Variants in NPM2 observed in about 807,000 individuals in gnomAD.
The protein encoded by NPM2 is nucleophosmin/nucleoplasmin 2.
NPM2 carries 25 observed loss-of-function variants against 32.0 expected under a neutral mutation model. That is an observed-to-expected ratio of 0.78 (90% confidence interval 0.57 to 1.09). The LOEUF (loss-of-function observed/expected upper bound fraction) is 1.09, where lower values mean the gene tolerates loss of function less well. Ranked by LOEUF, NPM2 falls within the 50% of genes least tolerant of loss-of-function variation. The probability of loss-of-function intolerance (pLI) is 0.00; values close to 1 mark genes in which losing one functional copy is unlikely to be tolerated. For synonymous variants in NPM2, 111 were observed against 94.2 expected, an observed-to-expected ratio of 1.18 and a Z score of -1.04; for missense variants, 282 against 259.9, an observed-to-expected ratio of 1.08 and a Z score of -0.58.
intron 5 of NPM2, among the ~76,000 whole-genome samples, chr8:22,028,897 T>G (rs559205064): frequency 6.6e-6 from 1 of 152,320 alleles, no homozygotes; most frequent in Admixed American, 6.5e-5. Flanking sequence ...GTAATTGGAT[T>G]TGTGGCATGT....
intron 5 of NPM2, 123 bp from the exon 6 acceptor site, chr8:22,033,004 TCAG>T (rs1216069453): frequency 1.3e-5 from 9 of 700,056 alleles, no homozygotes; most frequent in Non-Finnish European, 2.3e-5. Flanking sequence ...AGAATCCACC[TCAG>T]CAGGGGCTGA....
Position 22,036,869 on chromosome 8 carries a change from G to A in NPM2, c.*187G>A, listed in dbSNP as rs574712757. 5 of 596,376 alleles carry A rather than the reference G, an allele frequency of 8.4e-6. No individual in the cohort carries two copies. The highest frequency in any genetic ancestry group is 4.7e-5 in the South Asian group (2 of 42,386). 36.9% of individuals were successfully genotyped at this position (596,376 alleles called of 1,614,324 possible). A position where few individuals can be genotyped will look rare whatever the true frequency, so the allele number is the denominator to read the frequency against. ...GGCCCCCAGTGAAGAGCCCCACCTC[G>A]GGGTCACAATAAAGTTGCCTGGTCA... On this transcript the variant is annotated 3_prime_UTR_variant, in exon 10 of 10. Coordinates refer to ENST00000518119, the MANE Select transcript of NPM2 (RefSeq NM_001286680.2).
At chr8:22,035,089 C>T (rs969943107) in intron 8 of NPM2, among the ~76,000 whole-genome samples, 8 of 152,046 alleles carry the variant, frequency 5.3e-5, no homozygotes, top group Admixed American at 2.6e-4. Flanking sequence ...GATGACAGAG[C>T]GAGACTCAGT....
chr8:22,029,717 C>T (rs912427431), intron 5 of NPM2, among the ~76,000 whole-genome samples: 32 of 152,096 alleles, frequency 2.1e-4, no homozygotes, highest in African/African-American at 7.7e-4. Flanking sequence ...TGATTTTGCC[C>T]TCATTCCTTC....
At chr8:22,025,886 G>A in intron 5 of NPM2, 114 bp downstream of exon 5, 1 of 1,458,372 alleles carries the variant, frequency 6.9e-7, no homozygotes, top group Non-Finnish European at 9.4e-7. Context: ...ATGCTAGGGA[G>A]GTAGCACAGC....
intron 3 of NPM2, 64 bp from the exon 4 acceptor site, chr8:22,025,372 G>A (rs1800205755): frequency 6.2e-7 from 1 of 1,600,582 alleles, no homozygotes; most frequent in Non-Finnish European, 8.5e-7. Context: ...AGCTTGGGGC[G>A]CAGGTGAGCC....
intron 5 of NPM2, among the ~76,000 whole-genome samples, 174 bp downstream of exon 5, chr8:22,025,946 G>A (rs1046160208): frequency 3.9e-5 from 6 of 152,132 alleles, no homozygotes; most frequent in African/African-American, 1.4e-4. Context: ...CTAGAGCTGT[G>A]TGACCTTGGG....
At chr8:22,028,917 C>A (rs538458857) in intron 5 of NPM2, among the ~76,000 whole-genome samples, 1 of 151,768 alleles carries the variant, frequency 6.6e-6, no homozygotes, top group African/African-American at 2.4e-5. Flanking sequence ...TACTTTGTAC[C>A]CCTACTTTCC....
Position 22,025,495 on chromosome 8 carries a change from C to T in NPM2, c.118C>T (p.Gln40Ter). 6.2e-7 allele frequency: 1 copy of T among 1,614,158 alleles called. No individual in the cohort carries two copies. The highest frequency in any genetic ancestry group is 1.1e-5 in the South Asian group (1 of 91,078). ...CTTCAGACCCCAGCTGGAGGGGAAG[C>T]AGAGCTGCAGGCTGTTGCTTCATAC... ...WTFRPQLEGKQSCRLLLHTIC... is the reference protein window; with the variant it reads ...WTFRPQLEGK Residue 40 changes from glutamine (Q) to a stop codon, truncating the protein, a stop_gained, in exon 4 of 10, where the codon CAG becomes TAG. Transcript: ENST00000518119. LOFTEE classifies it high-confidence loss of function.
In NPM2 at chr8:22,025,765, TC is replaced by T; in HGVS notation, c.267del (p.Met90TrpfsTer5). On this transcript the variant is annotated frameshift_variant, in exon 5 of 10. Transcript: ENST00000518119. LOFTEE classifies it high-confidence loss of function. Reference sequence around the variant, plus strand: ...ATTGCCTCACTCCAGGCCTCAGTCCTCCCCATGGTGCGCATTTCCCTGCTGG... The same window carrying T: ...ATTGCCTCACTCCAGGCCTCAGTCCTCCCATGGTGCGCATTTCCCTGCTGG... ...VTIASLQASV[L>X]PMVSMVGVQL... 1 of 1,613,986 alleles carries T rather than the reference TC, an allele frequency of 6.2e-7. No homozygotes were observed. The highest frequency in any genetic ancestry group is 8.5e-7 in the Non-Finnish European group (1 of 1,179,984).
intron 5 of NPM2, among the ~76,000 whole-genome samples, chr8:22,032,651 C>G (rs1234475644): frequency 6.6e-6 from 1 of 152,102 alleles, no homozygotes; most frequent in Non-Finnish European, 1.5e-5. Flanking sequence ...GGGTCCTCTC[C>G]CTGAGTTGCA....
chr8:22,033,142 G>A lies in NPM2; in HGVS notation c.283G>A (p.Gly95Arg), dbSNP rs1307609687. 1.2e-6 allele frequency: 2 copies of A among 1,614,062 alleles called. No homozygotes were observed. Among genetic ancestry groups the A allele is most frequent in the Non-Finnish European group, 1.7e-6 (2 of 1,179,936 alleles). Residue 95 changes from glycine (G) to arginine (R), a missense_variant, in exon 6 of 10, where the codon GGA (glycine) becomes AGA (arginine). Coordinates refer to ENST00000518119, the MANE Select transcript of NPM2 (RefSeq NM_001286680.2). ...CCTCCCCCTGCAGGTCTCCATGGTA[G>A]GAGTGCAGCTTTCTCCCCCAGTTAC... ...ASVLPMVSMV[G>R]VQLSPPVTFQ...
chr8:22,025,647 A>G lies in NPM2; in HGVS notation c.145A>G (p.Ile49Val). 1 of 1,614,058 alleles carries G rather than the reference A, an allele frequency of 6.2e-7. No individual in the cohort carries two copies. Among genetic ancestry groups the G allele is most frequent in the Non-Finnish European group, 8.5e-7 (1 of 1,179,988 alleles). Residue 49 changes from isoleucine to valine, a missense_variant and splice_region_variant, in exon 5 of 10, where the codon ATT becomes GTT. Physicochemically the swap from Ile to Val is conservative, Grantham distance 29. Transcript: ENST00000518119. ...KQSCRLLLHT[I>V]CLGEKAKEEM... ...GGCCTCTATTTTCAACCCCGCTCAG[A>G]TTTGCTTGGGGGAGAAAGCCAAAGA... is the stretch of plus-strand genomic sequence containing the variant.
intron 8 of NPM2, among the ~76,000 whole-genome samples, chr8:22,034,851 T>C (rs556254730): frequency 6.6e-6 from 1 of 152,364 alleles, no homozygotes; most frequent in South Asian, 2.1e-4. Context: ...CCCACGCCTG[T>C]AATCCCAGCA....
Position 22,034,539 on chromosome 8 carries a change from A to G in NPM2, c.561A>G (p.Glu187=). The G allele has an allele frequency of 1.2e-6, 2 of 1,611,054 alleles. No homozygotes were observed. Among genetic ancestry groups the G allele is most frequent in the South Asian group, 2.2e-5 (2 of 90,934 alleles). ...AAAAGCTGGAAAAAGAAGAAGAGGA[A>G]ATAAGGTAACTCTTTCTACCTATTA... ...KKKKLEKEEE[E]IRASVRDKSP... Residue 187 remains glutamate, a synonymous_variant, in exon 8 of 10, where the codon GAA becomes GAG. Coordinates refer to ENST00000518119, the MANE Select transcript of NPM2 (RefSeq NM_001286680.2).
intron 5 of NPM2, among the ~76,000 whole-genome samples, chr8:22,031,524 C>T (rs1270318627): frequency 1.3e-5 from 2 of 152,254 alleles, no homozygotes; most frequent in Non-Finnish European, 2.9e-5. Context: ...CGGCTCACTG[C>T]AGCCTCCGCT....
At chr8:22,028,848 A>G (rs748716811) in intron 5 of NPM2, among the ~76,000 whole-genome samples, 7 of 152,106 alleles carry the variant, frequency 4.6e-5, no homozygotes, top group East Asian at 3.9e-4. Context: ...ATTTTGTTCT[A>G]TCTGGCCAGT....
intron 3 of NPM2, 62 bp downstream of exon 3, chr8:22,025,368 G>C (rs1563350195): frequency 1.2e-6 from 2 of 1,601,522 alleles, no homozygotes; most frequent in Non-Finnish European, 1.7e-6. Context: ...CGGCAGCTTG[G>C]GGCGCAGGTG....
At chr8:22,025,856 T>G (rs993530967) in intron 5 of NPM2, 84 bp downstream of exon 5, 4 of 1,575,692 alleles carry the variant, frequency 2.5e-6, no homozygotes, top group Non-Finnish European at 3.5e-6. Flanking sequence ...GAGGGTGCAT[T>G]CACCCTACAG....
Sources: allele counts gnomAD v4.1 joint callset (sites outside exome capture counted in the v4.1 genomes callset), GRCh38; gene constraint gnomAD v4.1.1; transcripts MANE v1.5; gene names NCBI Gene and HGNC (gene_info 2026-07-23, HGNC 2026-07-21).